INSL6: variants seen among roughly 807,000 people sequenced by gnomAD.
INSL6 encodes insulin-like peptide INSL6.
A neutral mutation model predicts 9.4 loss-of-function variants in INSL6; 16 were observed. The ratio of observed to expected loss-of-function variants is 1.70; its 90% confidence interval spans 1.15 to 2.59. The LOEUF (loss-of-function observed/expected upper bound fraction) is 2.59. INSL6 is among the 30% of genes most tolerant of loss of function. The pLI is 0.00. For synonymous variants in INSL6, 154 were observed against 96.9 expected, an observed-to-expected ratio of 1.59 and a Z score of -3.46; for missense variants, 391 against 257.3, an observed-to-expected ratio of 1.52 and a Z score of -3.56.
the INSL6 span, among the ~76,000 whole-genome samples, chr9:5,061,207 G>A: frequency 3.3e-5 from 5 of 152,208 alleles, no homozygotes; most frequent in Non-Finnish European, 4.4e-5. Flanking sequence ...GTAAATGAGC[G>A]CTGGTTTGAA....
At chr9:5,031,215 A>G in the INSL6 span, among the ~76,000 whole-genome samples, 1 of 152,230 alleles carries the variant, frequency 6.6e-6, no homozygotes, top group Non-Finnish European at 1.5e-5. Flanking sequence ...ACACATTACT[A>G]TGTAAATTGA....
At chr9:5,159,746 G>A (rs1824885037), downstream of INSL6, among the ~76,000 whole-genome samples, 1 of 152,218 alleles carries the variant, frequency 6.6e-6, no homozygotes, top group Non-Finnish European at 1.5e-5. Context: ...CATCCAGACA[G>A]AAAATCAACA....
chr9:5,126,034 A>T (rs528383418), intron 3 of INSL6: 1 of 207,328 alleles, frequency 4.8e-6, no homozygotes, highest in African/African-American at 2.3e-5. Context: ...TAATATGATA[A>T]AAATATGAGT....
At chr9:5,070,283 T>C in the INSL6 span, among the ~76,000 whole-genome samples, 2 of 152,174 alleles carry the variant, frequency 1.3e-5, no homozygotes, top group Admixed American at 1.3e-4. Context: ...AATTTAAAAA[T>C]GATTCTTCAC....
chr9:5,006,530 G>A, the INSL6 span, among the ~76,000 whole-genome samples: 1 of 152,160 alleles, frequency 6.6e-6, no homozygotes. Flanking sequence ...ATTGACTCAT[G>A]GTTCCATAGG....
chr9:5,111,430 G>T, the INSL6 span: 3 of 397,526 alleles, frequency 7.5e-6, no homozygotes, highest in Non-Finnish European at 1.5e-5. Context: ...CGAAGGTCGG[G>T]AAGGTCCCGC....
chr9:5,105,481 G>C, the INSL6 span, among the ~76,000 whole-genome samples: 116 of 152,164 alleles, frequency 7.6e-4, no homozygotes, highest in Middle Eastern at 3.4e-3. Context: ...TGAAAATGGC[G>C]ATACTGCCCA....
At chr9:5,056,806 G>T in the INSL6 span, among the ~76,000 whole-genome samples, 1 of 152,164 alleles carries the variant, frequency 6.6e-6, no homozygotes, top group Non-Finnish European at 1.5e-5. Context: ...GTAACCCAAA[G>T]AACTTCTCCA....
At chr9:5,115,183 T>C in the INSL6 span, among the ~76,000 whole-genome samples, 3 of 151,988 alleles carry the variant, frequency 2.0e-5, no homozygotes, top group Admixed American at 6.6e-5. Flanking sequence ...AAGGCTAATA[T>C]CAAGAATCTA....
intron 2 of INSL6, among the ~76,000 whole-genome samples, chr9:5,151,493 G>T (rs999540448): frequency 6.6e-6 from 1 of 150,882 alleles, no homozygotes; most frequent in African/African-American, 2.4e-5. Flanking sequence ...ACAAACACCA[G>T]AAAAAAATGG....
At chr9:5,056,051 C>T in the INSL6 span, among the ~76,000 whole-genome samples, 1 of 152,064 alleles carries the variant, frequency 6.6e-6, no homozygotes, top group Non-Finnish European at 1.5e-5. Flanking sequence ...GTTACTTTCT[C>T]CCCCATCCCT....
At chr9:5,010,336 T>C in the INSL6 span, among the ~76,000 whole-genome samples, 239 of 152,226 alleles carry the variant, frequency 1.6e-3, 1 homozygote, top group East Asian at 0.021. Context: ...TTGTCTTTTT[T>C]TTTTTTAGAC....
the INSL6 span, among the ~76,000 whole-genome samples, chr9:5,037,469 A>G: frequency 2.6e-5 from 4 of 152,364 alleles, no homozygotes; most frequent in South Asian, 4.1e-4. Context: ...GATGTCCAAC[A>G]ATGATAGACT....
At chr9:5,049,487 T>C in the INSL6 span, among the ~76,000 whole-genome samples, 1 of 152,234 alleles carries the variant, frequency 6.6e-6, no homozygotes, top group Non-Finnish European at 1.5e-5. Context: ...TTAAACACAC[T>C]GTGAAGTTTC....
chr9:5,035,164 C>A, the INSL6 span, among the ~76,000 whole-genome samples: 2 of 152,138 alleles, frequency 1.3e-5, no homozygotes, highest in East Asian at 3.9e-4. Flanking sequence ...ACACATACAC[C>A]CTCCCAAGAC....
chr9:5,043,312 TAAA>T, the INSL6 span, among the ~76,000 whole-genome samples: 2 of 143,688 alleles, frequency 1.4e-5, no homozygotes, highest in African/African-American at 5.1e-5. Context: ...TTAGGGGCTT[TAAA>T]AAAAAAAAGG....
chr9:5,167,648 C>T (rs1277697067), intron 1 of INSL6, among the ~76,000 whole-genome samples: 6 of 152,282 alleles, frequency 3.9e-5, no homozygotes, highest in Admixed American at 2.6e-4. Flanking sequence ...GAGGGTTGGC[C>T]ACGCTATCGT....
the INSL6 span, chr9:5,112,284 T>G: frequency 9.9e-4 from 266 of 268,010 alleles, no homozygotes; most frequent in Admixed American, 1.3e-3. Flanking sequence ...GCCAGCCTCA[T>G]GCACATCCAT....
intron 2 of INSL6, among the ~76,000 whole-genome samples, chr9:5,146,349 G>A (rs746245281): frequency 4.6e-5 from 7 of 152,150 alleles, no homozygotes; most frequent in Non-Finnish European, 8.8e-5. Context: ...CTGCATCGGA[G>A]TGCTAGTGGA....
Sources: allele counts gnomAD v4.1 joint callset (sites outside exome capture counted in the v4.1 genomes callset), GRCh38; gene constraint gnomAD v4.1.1; transcripts MANE v1.5; gene names NCBI Gene and HGNC (gene_info 2026-07-23, HGNC 2026-07-21).